The following SECISBP2L variants were observed in gnomAD, a reference collection of about 807,000 sequenced individuals.
SECISBP2L encodes selenocysteine insertion sequence-binding protein 2-like.
Under a neutral mutation model 114.7 loss-of-function variants are expected in SECISBP2L, and 43 were observed. That is an observed-to-expected ratio of 0.38 (90% CI 0.29 to 0.48). The LOEUF (loss-of-function observed/expected upper bound fraction) is 0.48, where lower values mean the gene tolerates loss of function less well. Among genes scored for constraint, SECISBP2L ranks in the 20% least tolerant of loss-of-function variants. SECISBP2L has a pLI of 0.98. For synonymous variants in SECISBP2L, 451 were observed against 439.7 expected (o/e 1.03, Z -0.32); for missense variants, 1,136 against 1,301.1 (o/e 0.87, Z 1.95).
intron 14 of SECISBP2L, among the ~76,000 whole-genome samples, chr15:49,003,189 G>A (rs1902246262): frequency 6.6e-6 from 1 of 152,090 alleles, no homozygotes; most frequent in Non-Finnish European, 1.5e-5. Context: ...TGGATTCCTA[G>A]GTATTTTATT....
Position 49,017,573 on chromosome 15 carries a change from A to G in SECISBP2L, c.1226T>C (p.Ile409Thr). ...NENGNAKDEN[I>T]QQKLSSKVLD... ...TACTTTAGAAGAAAGTTTTTGTTGA[A>G]TATTCTCATCCTTAGCATTTCCATT... The change falls in exon 9 of 18, where the codon ATT (isoleucine) becomes ACT (threonine). Residue 409 changes from isoleucine to threonine, a missense_variant. This residue lies in a region of SECISBP2L where 684 missense variants were observed against 848.7 expected (regional missense o/e 0.81). Coordinates refer to ENST00000559471, the MANE Select transcript of SECISBP2L (RefSeq NM_001193489.2). The G allele has an allele frequency of 6.2e-7, 1 of 1,606,480 alleles. No individual in the cohort carries two copies. The highest frequency in any genetic ancestry group is 8.5e-7 in the Non-Finnish European group (1 of 1,176,774).
intron 7 of SECISBP2L, among the ~76,000 whole-genome samples, chr15:49,020,801 C>T (rs1234408275): frequency 6.6e-6 from 1 of 152,128 alleles, no homozygotes; most frequent in Non-Finnish European, 1.5e-5. Flanking sequence ...ATTCACCGTG[C>T]CCAGCTACTC....
chr15:49,018,565 A>G (rs977204004), intron 8 of SECISBP2L, among the ~76,000 whole-genome samples: 1 of 152,092 alleles, frequency 6.6e-6, no homozygotes, highest in Admixed American at 6.5e-5. Flanking sequence ...CACCACGCCC[A>G]GCATATTATT....
At chr15:49,017,174 A>C in intron 9 of SECISBP2L, 159 bp from the exon 10 acceptor site, 1 of 685,926 alleles carries the variant, frequency 1.5e-6, no homozygotes. Flanking sequence ...GGACCATTTC[A>C]GACTGGGAAA....
chr15:49,011,816 G>A lies in SECISBP2L; in HGVS notation c.1779C>T (p.Asp593=). The A allele has an allele frequency of 3.1e-6, 5 of 1,614,002 alleles. No homozygotes were observed. The highest frequency in any genetic ancestry group is 4.2e-6 in the Non-Finnish European group (5 of 1,179,962). Reference sequence around the variant, plus strand: ...GTTCCTCGGATCCCAAAAGATTGTGGTCCACAGTTAAGCGCCCCTTCTTTT... The same window carrying A: ...GTTCCTCGGATCCCAAAAGATTGTGATCCACAGTTAAGCGCCCCTTCTTTT... The part of the protein sequence containing the change: ...REEKKGRLTV[D]HNLLGSEEPT... The change falls in exon 13 of 18, where the codon GAC becomes GAT. Residue 593 remains aspartate, a synonymous_variant. Coordinates refer to ENST00000559471, the MANE Select transcript of SECISBP2L (RefSeq NM_001193489.2).
chr15:49,008,663 T>A (rs1902371340), intron 14 of SECISBP2L, among the ~76,000 whole-genome samples: 1 of 152,238 alleles, frequency 6.6e-6, no homozygotes, highest in Admixed American at 6.5e-5. Context: ...AAGGTAAAAT[T>A]AATTCATCAA....
Position 49,046,422 on chromosome 15 carries a change from G to A in SECISBP2L, c.-123C>T. The A allele has an allele frequency of 2.7e-6, 3 of 1,094,978 alleles. No individual in the cohort carries two copies. Among genetic ancestry groups the A allele is most frequent in the South Asian group, 2.0e-5 (1 of 50,098 alleles). 67.8% of individuals were successfully genotyped at this position (1,094,978 alleles called of 1,614,324 possible). A position where few individuals can be genotyped will look rare whatever the true frequency, so the allele number is the denominator to read the frequency against. On this transcript the variant is annotated 5_prime_UTR_variant, in exon 1 of 18. Coordinates refer to ENST00000559471, the MANE Select transcript of SECISBP2L (RefSeq NM_001193489.2). ...GACCTCCGCCCCTATCTGGCTGGCCGCGACACCGATTCGGCTACGCCACTG... is the reference window on the plus strand; with the variant it reads ...GACCTCCGCCCCTATCTGGCTGGCCACGACACCGATTCGGCTACGCCACTG...
chr15:49,036,510 A>C (rs1903010941), intron 2 of SECISBP2L, among the ~76,000 whole-genome samples: 1 of 152,272 alleles, frequency 6.6e-6, no homozygotes, highest in Admixed American at 6.5e-5. Flanking sequence ...TGGTAAACCA[A>C]GAAAATCAAT....
At chr15:49,030,826 G>C (rs771428340) in intron 4 of SECISBP2L, among the ~76,000 whole-genome samples, 1 of 152,018 alleles carries the variant, frequency 6.6e-6, no homozygotes, top group Non-Finnish European at 1.5e-5. Flanking sequence ...TTCAACTTTT[G>C]TATTCTGCAT....
Position 49,000,832 on chromosome 15 carries a change from CCA to C in SECISBP2L, c.2248+43_2248+44del. ...TTCTACTTTATATTCACTGTATATC[CCA>C]CAGCTATACTATCAAAACACTTCAA... On this transcript the variant is annotated intron_variant, in intron 15 of 17. Transcript: ENST00000559471. 3.4e-6 allele frequency: 5 copies of C among 1,455,304 alleles called. No individual in the cohort carries two copies. The South Asian group carries it at 6.2e-5, about 18-fold the overall frequency. The allele number at this position is 1,455,304 out of a possible 1,614,324, so 90.1% of individuals were successfully genotyped here. A position where few individuals can be genotyped will look rare whatever the true frequency, so the allele number is the denominator to read the frequency against.
At chr15:49,012,212 T>G (rs1902450557) in intron 12 of SECISBP2L, among the ~76,000 whole-genome samples, 1 of 152,164 alleles carries the variant, frequency 6.6e-6, no homozygotes. Flanking sequence ...CAGTTTTCAA[T>G]TATTTGGACA....
At chr15:49,013,816 T>C (rs772946555) in intron 11 of SECISBP2L, among the ~76,000 whole-genome samples, 44 of 152,308 alleles carry the variant, frequency 2.9e-4, no homozygotes, top group Middle Eastern at 6.8e-3. Flanking sequence ...TTATTCTTAA[T>C]ATCCCATCTC....
rs1902791673 is a variant in SECISBP2L at position 49,028,148 on chromosome 15, A to C, written c.915T>G (p.Cys305Trp). 2 of 1,580,222 alleles carry C rather than the reference A, an allele frequency of 1.3e-6. No homozygotes were observed. Among genetic ancestry groups the C allele is most frequent in the South Asian group, 2.3e-5 (2 of 86,256 alleles). ...GTMNHVESSM[C>W]AGGVNWSNVT... ...CACAATGCAGAAAACAAGTACCTGC[A>C]CACATAGATGATTCCACATGCTAAA... The change falls in exon 6 of 18, where the codon TGT becomes TGG. Residue 305 changes from cysteine (C) to tryptophan (W), a missense_variant. Physicochemically the swap from Cys to Trp is radical, Grantham distance 215. Transcript: ENST00000559471.
At chr15:49,041,777 T>A (rs563854312) in intron 1 of SECISBP2L, among the ~76,000 whole-genome samples, 1 of 152,198 alleles carries the variant, frequency 6.6e-6, no homozygotes, top group East Asian at 1.9e-4. Context: ...ATTCTTTCTA[T>A]GTTAAGGTAA....
At chr15:49,009,074 C>T in intron 14 of SECISBP2L, 142 bp downstream of exon 14, 1 of 801,464 alleles carries the variant, frequency 1.2e-6, no homozygotes, top group Admixed American at 2.9e-5. Context: ...ATAAACCCAG[C>T]TGTTAAACAA....
intron 3 of SECISBP2L, 59 bp downstream of exon 3, chr15:49,035,275 T>C (rs368386295): frequency 6.8e-6 from 10 of 1,477,040 alleles, no homozygotes; most frequent in East Asian, 4.6e-5. Context: ...AAGTAGCAAA[T>C]TGCTTATACT....
chr15:49,018,753 T>C (rs1902585858), intron 8 of SECISBP2L, among the ~76,000 whole-genome samples: 1 of 152,154 alleles, frequency 6.6e-6, no homozygotes, highest in Non-Finnish European at 1.5e-5. Flanking sequence ...ATTTCAAATG[T>C]TACCTACCCT....
Position 48,992,132 on chromosome 15 carries a change from G to T in SECISBP2L, c.*112C>A. On this transcript the variant is annotated 3_prime_UTR_variant, in exon 18 of 18. Transcript: ENST00000559471. ...TAAAAGCTACAAAAATATTTGTTGG[G>T]AATTAAATACGTATATTAAATACTG... 1.0e-6 allele frequency: 1 copy of T among 982,436 alleles called. No individual in the cohort carries two copies. The highest frequency in any genetic ancestry group is 1.5e-6 in the Non-Finnish European group (1 of 674,398). The allele number at this position is 982,436 out of a possible 1,614,324, so 60.9% of individuals were successfully genotyped here. A position where few individuals can be genotyped will look rare whatever the true frequency, so the allele number is the denominator to read the frequency against.
Position 49,027,376 on chromosome 15 carries a change from TTC to T in SECISBP2L, c.1022_1023del (p.Arg341LysfsTer2). 1 of 1,608,462 alleles carries T rather than the reference TTC, an allele frequency of 6.2e-7. No homozygotes were observed. The highest frequency in any genetic ancestry group is 8.5e-7 in the Non-Finnish European group (1 of 1,176,230). ...FSRGGRQTEQ[R>X]NNSQVGFRCR... is the part of the protein sequence containing the mutation. ...CTAATTCGAATTACCTGTGAATTATTTCTTTGTTCAGTTTGCCTTCCACCTCT... is the reference window on the plus strand; with the variant it reads ...CTAATTCGAATTACCTGTGAATTATTTTTGTTCAGTTTGCCTTCCACCTCT... On this transcript the variant is annotated frameshift_variant, in exon 7 of 18. Coordinates refer to ENST00000559471, the MANE Select transcript of SECISBP2L (RefSeq NM_001193489.2). LOFTEE classifies it high-confidence loss of function.
Sources: gnomAD v4.1 joint callset for allele counts (sites outside exome capture counted in the v4.1 genomes callset) on GRCh38, gnomAD v4.1.1 for gene constraint, gnomAD v4.1.1 regional missense constraint, MANE v1.5 for transcripts, NCBI Gene and HGNC (gene_info 2026-07-23, HGNC 2026-07-21) for gene names.